RP1: variants seen among roughly 807,000 people sequenced by gnomAD.
The protein encoded by RP1 is oxygen-regulated protein 1.
In RP1, 16 loss-of-function variants were observed where a neutral mutation model predicts 14.8. That is an observed-to-expected ratio of 1.08 (90% CI 0.73 to 1.65). RP1 has a LOEUF of 1.65. Among genes scored for constraint, RP1 ranks in the 40% most tolerant of loss-of-function variants. The pLI is 0.00. For synonymous variants in RP1, 876 were observed against 883.6 expected, an observed-to-expected ratio of 0.99 and a Z score of 0.15; for missense variants, 2,631 against 2,535.0, an observed-to-expected ratio of 1.04 and a Z score of -0.81.
chr8:54,626,337 T>G lies in RP1; in HGVS notation c.2455T>G (p.Leu819Val), dbSNP rs367562684. 1.5e-5 allele frequency: 25 copies of G among 1,613,432 alleles called. No homozygotes were observed. The African/African-American group carries it at 3.3e-4, about 22-fold the overall frequency. ...CAAAAGTACTTTTGAAAACAAAAGT[T>G]TATTTCATGTATTTAACATCCTTGA... ...YCKSTFENKS[L>V]FHVFNILEQK... The change falls in exon 4 of 4, where the codon TTA (leucine) becomes GTA (valine). Residue 819 changes from leucine (L) to valine (V), a missense_variant. Physicochemically the swap from Leu to Val is conservative, Grantham distance 32 (BLOSUM62 1). Transcript: ENST00000220676.
At chr8:54,701,559 T>G in exon 14 of RP1, 1 of 1,535,824 alleles carries the variant, frequency 6.5e-7, no homozygotes, top group South Asian at 1.2e-5. Flanking sequence ...GAGTCGGCAC[T>G]GGTTCCTGGT....
chr8:54,780,715 G>T (rs1012918388), intron 23 of RP1, among the ~76,000 whole-genome samples: 2 of 152,140 alleles, frequency 1.3e-5, no homozygotes, highest in South Asian at 2.1e-4. Context: ...GTATACAAAA[G>T]GATGTGTGTA....
intron 1 of RP1, among the ~76,000 whole-genome samples, chr8:54,608,677 G>A (rs1805519273): frequency 6.6e-6 from 1 of 152,130 alleles, no homozygotes; most frequent in African/African-American, 2.4e-5. Flanking sequence ...ATGTACCTCT[G>A]AACTTAAAAG....
At chr8:54,666,674 C>G (rs1807024575) in intron 7 of RP1, among the ~76,000 whole-genome samples, 2 of 152,038 alleles carry the variant, frequency 1.3e-5, no homozygotes, top group Non-Finnish European at 2.9e-5. Context: ...AGTTAAAGCC[C>G]TGACCCCGGG....
chr8:54,867,953 C>T (rs1225880985), intron 28 of RP1, among the ~76,000 whole-genome samples: 1 of 152,074 alleles, frequency 6.6e-6, no homozygotes, highest in East Asian at 1.9e-4. Flanking sequence ...ATATATACAA[C>T]ATTTGGTTTT....
chr8:54,725,046 G>A (rs1004828458), intron 16 of RP1, among the ~76,000 whole-genome samples: 3 of 152,156 alleles, frequency 2.0e-5, no homozygotes, highest in Non-Finnish European at 1.5e-5. Flanking sequence ...ATCTATCAGA[G>A]GTCATGTTTA....
chr8:54,603,733 C>T, intron 1 of RP1, among the ~76,000 whole-genome samples: 1 of 152,120 alleles, frequency 6.6e-6, no homozygotes, highest in Admixed American at 6.5e-5. Flanking sequence ...GTTTGTAGTT[C>T]TCCTTGAAGA....
At chr8:54,621,717 T>C in intron 2 of RP1, 136 bp downstream of exon 2, 1 of 1,275,020 alleles carries the variant, frequency 7.8e-7, no homozygotes, top group Non-Finnish European at 1.1e-6. Flanking sequence ...GTGTGTGTGC[T>C]CCGATGCTGC....
At chr8:54,596,079 A>C (rs1805138781) in intron 1 of RP1, among the ~76,000 whole-genome samples, 1 of 152,244 alleles carries the variant, frequency 6.6e-6, no homozygotes. Context: ...AATTCTTGGG[A>C]TATATAGAAT....
At chr8:54,726,490 T>C (rs936497641) in intron 17 of RP1, 4 of 1,517,406 alleles carry the variant, frequency 2.6e-6, no homozygotes, top group Admixed American at 4.4e-5. Context: ...AGCCACAGCT[T>C]TTGCTTTCAT....
chr8:54,630,755 G>T lies in RP1; in HGVS notation c.*402G>T. 9.9e-7 allele frequency: 1 copy of T among 1,011,134 alleles called. No homozygotes were observed. Among genetic ancestry groups the T allele is most frequent in the Non-Finnish European group, 1.2e-6 (1 of 845,464 alleles). 62.6% of individuals were successfully genotyped at this position (1,011,134 alleles called of 1,614,324 possible). A position where few individuals can be genotyped will look rare whatever the true frequency, so the allele number is the denominator to read the frequency against. ...TAAATTGAATAGACATAACCTCAAA[G>T]TACTTCACTTATTCTTTTTAACTAC... On this transcript the variant is annotated 3_prime_UTR_variant, in exon 4 of 4. Transcript: ENST00000220676.
At chr8:54,804,851 A>G (rs1336723414) in intron 24 of RP1, among the ~76,000 whole-genome samples, 1 of 152,222 alleles carries the variant, frequency 6.6e-6, no homozygotes, top group Non-Finnish European at 1.5e-5. Flanking sequence ...ATTATATTTT[A>G]AAAAGTCTAA....
chr8:54,737,279 T>C (rs1037225951), intron 18 of RP1, among the ~76,000 whole-genome samples: 2 of 152,142 alleles, frequency 1.3e-5, no homozygotes, highest in East Asian at 3.9e-4. Context: ...TGTCAAGTCT[T>C]TCCCCCCTGG....
chr8:54,869,963 C>A lies in RP1; in HGVS notation c.*21C>A, dbSNP rs761821077. On this transcript the variant is annotated 3_prime_UTR_variant, in exon 29 of 29. Transcript: ENST00000637698. ...CCTGAAAGGGCCCACTTGGGCCTGT[C>A]GCTCCAATATGCTTCAAAAGGCTAT... 8 of 1,082,578 alleles carry A rather than the reference C, an allele frequency of 7.4e-6. No individual in the cohort carries two copies. The East Asian group carries it at 1.9e-4, about 26-fold the overall frequency. The allele number at this position is 1,082,578 out of a possible 1,614,324, so 67.1% of individuals were successfully genotyped here.
intron 24 of RP1, among the ~76,000 whole-genome samples, chr8:54,823,960 A>T (rs1030860793): frequency 6.6e-6 from 1 of 152,174 alleles, no homozygotes; most frequent in African/African-American, 2.4e-5. Flanking sequence ...GATAGTCACT[A>T]AACTTTTATT....
chr8:54,571,700 G>A (rs550652999), intron 1 of RP1, among the ~76,000 whole-genome samples: 129 of 152,332 alleles, frequency 8.5e-4, no homozygotes, highest in African/African-American at 2.7e-3. Context: ...TCTGGAGGCT[G>A]GAAGTCTGAG....
intron 24 of RP1, among the ~76,000 whole-genome samples, chr8:54,797,073 G>T (rs956831621): frequency 6.6e-6 from 1 of 152,176 alleles, no homozygotes; most frequent in African/African-American, 2.4e-5. Context: ...ACAGTGTAAA[G>T]AGTAGACTCC....
chr8:54,571,724 C>T (rs536655485), intron 1 of RP1, among the ~76,000 whole-genome samples: 63 of 152,268 alleles, frequency 4.1e-4, no homozygotes, highest in African/African-American at 1.4e-3. Context: ...AAGGTATCAG[C>T]AGGGTTGGTT....
intron 1 of RP1, among the ~76,000 whole-genome samples, chr8:54,566,168 G>A (rs13279568): frequency 0.31 from 46,393 of 152,088 alleles, 7,899 homozygotes; most frequent in Non-Finnish European, 0.39. Context: ...GGAGCTGAGG[G>A]TTGGACTTCA....
Sources: allele counts gnomAD v4.1 joint callset (sites outside exome capture counted in the v4.1 genomes callset), GRCh38; gene constraint gnomAD v4.1.1; transcripts MANE v1.5; gene names NCBI Gene and HGNC (gene_info 2026-07-23, HGNC 2026-07-21).